The following SPRED1 variants were observed in gnomAD, a reference collection of about 807,000 sequenced individuals.
SPRED1 encodes the protein sprouty related EVH1 domain containing 1, also known as sprouty-related, EVH1 domain-containing protein 1.
In SPRED1, 18 loss-of-function variants were observed where a neutral mutation model predicts 52.3. The ratio of observed to expected loss-of-function variants is 0.34; its 90% CI spans 0.24 to 0.51. SPRED1 has a LOEUF of 0.51. Ranked by LOEUF, SPRED1 falls within the 20% of genes least tolerant of loss-of-function variation. The probability of loss-of-function intolerance (pLI) is 0.97; values close to 1 mark genes in which losing one functional copy is unlikely to be tolerated. For missense variants in SPRED1, 485 were observed against 551.0 expected (o/e 0.88, Z 1.20); for synonymous variants, 155 against 179.7 (o/e 0.86, Z 1.10).
At chr15:38,283,859 A>G (rs972230995) in intron 1 of SPRED1, among the ~76,000 whole-genome samples, 1 of 152,216 alleles carries the variant, frequency 6.6e-6, no homozygotes, top group Non-Finnish European at 1.5e-5. Context: ...GATTAGGTAG[A>G]TAGAGCTGCC....
intron 1 of SPRED1, among the ~76,000 whole-genome samples, chr15:38,288,869 C>G (rs547199454): frequency 8.2e-4 from 124 of 152,050 alleles, no homozygotes; most frequent in South Asian, 1.5e-3. Context: ...TTTGGTTAGG[C>G]TACATTATCT....
chr15:38,292,759 C>T (rs951769826), intron 1 of SPRED1, among the ~76,000 whole-genome samples: 1 of 152,110 alleles, frequency 6.6e-6, no homozygotes, highest in Non-Finnish European at 1.5e-5. Context: ...GGGGACACAG[C>T]CAAACCATAT....
intron 5 of SPRED1, among the ~76,000 whole-genome samples, chr15:38,343,307 T>C (rs1896064916): frequency 1.3e-5 from 2 of 151,854 alleles, no homozygotes; most frequent in Non-Finnish European, 2.9e-5. Context: ...TAGATGGAGT[T>C]AGAGGGGTGC....
chr15:38,289,477 G>T (rs8033366), intron 1 of SPRED1, among the ~76,000 whole-genome samples: 125,113 of 151,550 alleles, frequency 0.83, 52,400 homozygotes, highest in Non-Finnish European at 0.9. Flanking sequence ...CCCAAAGATG[G>T]CCTTGCCCTA....
intron 6 of SPRED1, among the ~76,000 whole-genome samples, chr15:38,350,356 ACAGT>A (rs1015188228): frequency 6.6e-6 from 1 of 152,106 alleles, no homozygotes; most frequent in South Asian, 2.1e-4. Flanking sequence ...CATAAAGAAA[ACAGT>A]CAGATTGGAT....
chr15:38,297,837 G>A (rs7179433), intron 1 of SPRED1, among the ~76,000 whole-genome samples: 125,865 of 152,058 alleles, frequency 0.83, 52,844 homozygotes, highest in Non-Finnish European at 0.9. Flanking sequence ...TATTTCACAC[G>A]TAAGTTTGAG....
chr15:38,308,640 G>C (rs958153823), intron 2 of SPRED1, among the ~76,000 whole-genome samples: 1 of 152,068 alleles, frequency 6.6e-6, no homozygotes, highest in African/African-American at 2.4e-5. Flanking sequence ...ATCATTCTCC[G>C]AGGGTTGATC....
chr15:38,331,642 G>T (rs1368810009), intron 4 of SPRED1, among the ~76,000 whole-genome samples: 1 of 151,946 alleles, frequency 6.6e-6, no homozygotes, highest in East Asian at 1.9e-4. Flanking sequence ...ACTAGGGTAG[G>T]TATATTGTAT....
chr15:38,338,744 A>G (rs1462834546), intron 4 of SPRED1, among the ~76,000 whole-genome samples: 1 of 152,166 alleles, frequency 6.6e-6, no homozygotes, highest in East Asian at 1.9e-4. Flanking sequence ...TGAGAAATTG[A>G]ATGCCAAAGG....
intron 2 of SPRED1, among the ~76,000 whole-genome samples, chr15:38,321,782 A>G (rs566106724): frequency 1.4e-4 from 22 of 152,160 alleles, no homozygotes; most frequent in Middle Eastern, 6.8e-3. Flanking sequence ...TTTAGTAGAG[A>G]TGGGGTTTCA....
At chr15:38,310,297 C>T (rs28613945) in intron 2 of SPRED1, among the ~76,000 whole-genome samples, 5,673 of 152,086 alleles carry the variant, frequency 0.037, 148 homozygotes, top group Non-Finnish European at 0.058. Context: ...CCTGCCACCA[C>T]GCTCGCTAAT....
At chr15:38,266,290 A>T (rs1210512976) in intron 1 of SPRED1, among the ~76,000 whole-genome samples, 4 of 152,178 alleles carry the variant, frequency 2.6e-5, no homozygotes, top group Non-Finnish European at 5.9e-5. Context: ...TTGGATCCAA[A>T]AATCAAACTT....
chr15:38,311,034 C>T (rs756196128), intron 2 of SPRED1, among the ~76,000 whole-genome samples: 1 of 152,122 alleles, frequency 6.6e-6, no homozygotes, highest in African/African-American at 2.4e-5. Flanking sequence ...CAGATATTAA[C>T]CAAAACACAT....
Position 38,353,414 on chromosome 15 carries a change from A to G in SPRED1, c.*1750A>G, listed in dbSNP as rs1373832444. The G allele has an allele frequency of 6.6e-6, 1 of 152,548 alleles. No individual in the cohort carries two copies. Among genetic ancestry groups the G allele is most frequent in the African/African-American group, 2.4e-5 (1 of 41,450 alleles). The allele number at this position is 152,548 out of a possible 1,614,324, so 9.4% of individuals were successfully genotyped here. On this transcript the variant is annotated 3_prime_UTR_variant, in exon 7 of 7. Coordinates refer to ENST00000299084, the MANE Select transcript of SPRED1 (RefSeq NM_152594.3). ...TTGTGTATATAGATCATCTTGAAGT[A>G]TTATTTCACATTGAAAAGAAGAAAA...
chr15:38,277,763 C>T (rs184295756), intron 1 of SPRED1, among the ~76,000 whole-genome samples: 90 of 152,286 alleles, frequency 5.9e-4, no homozygotes, highest in Non-Finnish European at 1.1e-3. Context: ...TTCTTCATAT[C>T]CTTGCCAGCA....
chr15:38,351,439 C>G lies in SPRED1; in HGVS notation c.1110C>G (p.Leu370=), dbSNP rs876657584. 1.9e-6 allele frequency: 3 copies of G among 1,614,012 alleles called. No homozygotes were observed. The highest frequency in any genetic ancestry group is 2.7e-5 in the African/African-American group (2 of 74,916). Residue 370 remains leucine, a synonymous_variant, in exon 7 of 7, where the codon CTC becomes CTG. Transcript: ENST00000299084. Reference sequence around the variant, plus strand: ...GCATATATCAAGTTAGTTGCATGCTCTGTGCAGAGAGCATGTTGTATCATT... The same window carrying G: ...GCATATATCAAGTTAGTTGCATGCTGTGTGCAGAGAGCATGTTGTATCATT... ...KRCIYQVSCM[L]CAESMLYHCM...
chr15:38,317,879 GTTAC>G (rs1448940072), intron 2 of SPRED1, among the ~76,000 whole-genome samples: 1 of 144,798 alleles, frequency 6.9e-6, no homozygotes, highest in African/African-American at 2.6e-5. Flanking sequence ...ATCTGTCTCT[GTTAC>G]TTAATCAAGG....
At chr15:38,323,509 G>T (rs932913993) in intron 3 of SPRED1, among the ~76,000 whole-genome samples, 4 of 151,810 alleles carry the variant, frequency 2.6e-5, no homozygotes, top group Admixed American at 2.6e-4. Context: ...TCTATCTGGG[G>T]AATAGAGTCG....
intron 4 of SPRED1, among the ~76,000 whole-genome samples, chr15:38,325,133 C>T (rs566506677): frequency 6.6e-6 from 1 of 152,156 alleles, no homozygotes; most frequent in Non-Finnish European, 1.5e-5. Flanking sequence ...GTGCCTGGCC[C>T]CAAAATCCGA....
Sources: allele counts gnomAD v4.1 joint callset (sites outside exome capture counted in the v4.1 genomes callset), GRCh38; gene constraint gnomAD v4.1.1; transcripts MANE v1.5; gene names NCBI Gene and HGNC (gene_info 2026-07-23, HGNC 2026-07-21).